MIPOL1: variants seen among roughly 807,000 people sequenced by gnomAD.
MIPOL1 encodes mirror-image polydactyly 1, also known as mirror-image polydactyly gene 1 protein.
In MIPOL1, 57 loss-of-function variants were observed where a neutral mutation model predicts 60.9. The ratio of observed to expected loss-of-function variants is 0.94; its 90% CI spans 0.76 to 1.17. MIPOL1 has a LOEUF of 1.17. MIPOL1 is among the 50% of genes most tolerant of loss of function. The probability of loss-of-function intolerance (pLI) is 0.00; values close to 1 mark genes in which losing one functional copy is unlikely to be tolerated. For synonymous variants in MIPOL1, 179 were observed against 168.8 expected (o/e 1.06, Z -0.47); for missense variants, 551 against 511.6 (o/e 1.08, Z -0.74).
At chr14:37,368,831 T>A (rs1450785759) in intron 9 of MIPOL1, among the ~76,000 whole-genome samples, 1 of 152,066 alleles carries the variant, frequency 6.6e-6, no homozygotes, top group Admixed American at 6.6e-5. Flanking sequence ...TATTGGCTCA[T>A]TGAAACTTTA....
At chr14:37,481,450 A>G (rs1007432887) in intron 11 of MIPOL1, among the ~76,000 whole-genome samples, 6 of 152,092 alleles carry the variant, frequency 3.9e-5, no homozygotes, top group Middle Eastern at 3.4e-3. Flanking sequence ...GTCACACCAA[A>G]TGATCTACCC....
intron 9 of MIPOL1, among the ~76,000 whole-genome samples, chr14:37,357,575 A>G (rs1362313505): frequency 6.6e-6 from 1 of 151,976 alleles, no homozygotes; most frequent in Non-Finnish European, 1.5e-5. Flanking sequence ...ATGTCTATTC[A>G]ATTATTTGGT....
intron 1 of MIPOL1, among the ~76,000 whole-genome samples, chr14:37,245,255 A>G (rs1408002921): frequency 6.6e-6 from 1 of 152,166 alleles, no homozygotes; most frequent in Non-Finnish European, 1.5e-5. Flanking sequence ...GCAGAAAAAA[A>G]ATTCTCTATT....
At chr14:37,218,638 G>T (rs1016912924) in intron 1 of MIPOL1, among the ~76,000 whole-genome samples, 6 of 152,036 alleles carry the variant, frequency 3.9e-5, no homozygotes, top group Non-Finnish European at 7.4e-5. Context: ...ATGGATTAAT[G>T]TTTAAGAAAA....
intron 7 of MIPOL1, among the ~76,000 whole-genome samples, chr14:37,286,540 A>G (rs1378258133): frequency 5.3e-5 from 8 of 152,216 alleles, no homozygotes; most frequent in Admixed American, 3.9e-4. Flanking sequence ...TTAATGATCA[A>G]TCAGCATACT....
chr14:37,241,930 C>CT (rs2153346832), intron 1 of MIPOL1, among the ~76,000 whole-genome samples: 1 of 151,614 alleles, frequency 6.6e-6, no homozygotes, highest in East Asian at 2.0e-4. Flanking sequence ...TTATTTTGAA[C>CT]TTTTTAGTCT....
At chr14:37,537,146 C>T (rs764409434) in intron 12 of MIPOL1, among the ~76,000 whole-genome samples, 39 of 152,058 alleles carry the variant, frequency 2.6e-4, no homozygotes, top group Admixed American at 9.2e-4. Context: ...TACCTGAACA[C>T]GGTGGATGAA....
At chr14:37,218,179 A>G (rs1231006795) in intron 1 of MIPOL1, among the ~76,000 whole-genome samples, 1 of 151,274 alleles carries the variant, frequency 6.6e-6, no homozygotes, top group Non-Finnish European at 1.5e-5. Flanking sequence ...ATCTTTTTTT[A>G]ATTATTATTA....
At chr14:37,293,783 G>T (rs1164586842) in intron 7 of MIPOL1, among the ~76,000 whole-genome samples, 2 of 152,198 alleles carry the variant, frequency 1.3e-5, no homozygotes, top group Non-Finnish European at 2.9e-5. Context: ...CCATTGCTCA[G>T]GCTTGAGTAG....
At chr14:37,450,894 A>G (rs935024862) in intron 11 of MIPOL1, among the ~76,000 whole-genome samples, 1 of 152,212 alleles carries the variant, frequency 6.6e-6, no homozygotes, top group African/African-American at 2.4e-5. Context: ...TTTAAGTAGC[A>G]TTTCATTTTC....
chr14:37,495,565 A>G (rs2095112472), intron 11 of MIPOL1, among the ~76,000 whole-genome samples: 2 of 148,130 alleles, frequency 1.4e-5, no homozygotes, highest in African/African-American at 2.5e-5. Flanking sequence ...AGTCTTTGCT[A>G]TTGTGAATAG....
At chr14:37,423,170 CTG>C (rs1266814428) in intron 11 of MIPOL1, among the ~76,000 whole-genome samples, 3 of 151,652 alleles carry the variant, frequency 2.0e-5, no homozygotes, top group African/African-American at 4.8e-5. Flanking sequence ...TTCATTGTAA[CTG>C]AAATTTACAT....
At chr14:37,400,456 A>G (rs564243222) in intron 10 of MIPOL1, 2 of 152,302 alleles carry the variant, frequency 1.3e-5, no homozygotes, top group South Asian at 4.1e-4. Flanking sequence ...TAAGTAAGAT[A>G]TATGATTGGT....
intron 1 of MIPOL1, among the ~76,000 whole-genome samples, chr14:37,238,797 A>T (rs935163889): frequency 2.0e-5 from 3 of 151,506 alleles, no homozygotes; most frequent in African/African-American, 2.4e-5. Context: ...AAAAAAAAAA[A>T]AAAAAAATTA....
At chr14:37,363,404 C>T (rs904566173) in intron 9 of MIPOL1, among the ~76,000 whole-genome samples, 1 of 152,166 alleles carries the variant, frequency 6.6e-6, no homozygotes, top group Non-Finnish European at 1.5e-5. Context: ...TGCTGGAGGT[C>T]CACTCCAGAC....
chr14:37,318,983 C>A (rs2088256641), intron 9 of MIPOL1, among the ~76,000 whole-genome samples: 3 of 151,948 alleles, frequency 2.0e-5, no homozygotes, highest in Admixed American at 2.0e-4. Context: ...GGACAACAGG[C>A]ACACACTACC....
At chr14:37,456,251 T>C (rs1331658608) in intron 11 of MIPOL1, among the ~76,000 whole-genome samples, 4 of 152,054 alleles carry the variant, frequency 2.6e-5, no homozygotes, top group Non-Finnish European at 1.5e-5. Flanking sequence ...TTAAATAATG[T>C]ATATTTTCTT....
intron 11 of MIPOL1, among the ~76,000 whole-genome samples, chr14:37,452,570 A>G (rs889289917): frequency 6.6e-6 from 1 of 152,160 alleles, no homozygotes; most frequent in Non-Finnish European, 1.5e-5. Flanking sequence ...CATTTCATTA[A>G]TTGTCATGAA....
At chr14:37,199,571 C>T (rs564956558) in intron 1 of MIPOL1, among the ~76,000 whole-genome samples, 1 of 152,024 alleles carries the variant, frequency 6.6e-6, no homozygotes, top group African/African-American at 2.4e-5. Context: ...GCCGCCAAGG[C>T]TGGAGTGCAG....
Sources: gnomAD v4.1 joint callset for allele counts (sites outside exome capture counted in the v4.1 genomes callset) on GRCh38, gnomAD v4.1.1 for gene constraint, MANE v1.5 for transcripts, NCBI Gene and HGNC (gene_info 2026-07-23, HGNC 2026-07-21) for gene names.